Variants in ATG5 observed in about 807,000 individuals in gnomAD.
ATG5 encodes the protein autophagy related 5, also known as autophagy protein 5.
ATG5 carries 14 observed loss-of-function variants against 36.5 expected under a neutral mutation model. That is an observed-to-expected ratio of 0.38 (90% CI 0.25 to 0.60). The LOEUF (loss-of-function observed/expected upper bound fraction) is 0.60. ATG5 is among the 20% of genes least tolerant of loss of function. ATG5 has a pLI of 0.60. For synonymous variants in ATG5, 95 were observed against 101.5 expected, an observed-to-expected ratio of 0.94 and a Z score of 0.38; for missense variants, 195 against 326.7, an observed-to-expected ratio of 0.60 and a Z score of 3.11.
chr6:106,324,242 T>C (rs1278953053), intron 1 of ATG5, among the ~76,000 whole-genome samples: 1 of 152,264 alleles, frequency 6.6e-6, no homozygotes, highest in Non-Finnish European at 1.5e-5. Flanking sequence ...TTTGTCATTA[T>C]TCCCTAAACA....
intron 5 of ATG5, among the ~76,000 whole-genome samples, chr6:106,269,549 C>T (rs1270839915): frequency 4.6e-5 from 7 of 152,214 alleles, no homozygotes; most frequent in Admixed American, 4.6e-4. Context: ...AGCCCTGCCC[C>T]GCGGGAAGGC....
intron 6 of ATG5, among the ~76,000 whole-genome samples, chr6:106,203,703 C>T (rs1257671287): frequency 6.6e-6 from 1 of 152,178 alleles, no homozygotes; most frequent in African/African-American, 2.4e-5. Flanking sequence ...ACCTAAGCCT[C>T]CAGAGTAGCT....
At chr6:106,286,519 T>A (rs1780084330) in intron 4 of ATG5, among the ~76,000 whole-genome samples, 2 of 152,210 alleles carry the variant, frequency 1.3e-5, no homozygotes, top group Admixed American at 1.3e-4. Context: ...TAAGTTTGCA[T>A]GACCCTCCAT....
chr6:106,193,358 TTATTA>T lies in ATG5; in HGVS notation c.692-6687_692-6683del, dbSNP rs780762212. Among the ~76,000 whole-genome samples the T allele has an allele frequency of 4.6e-5, 7 of 152,298 alleles. No individual in the cohort carries two copies. In the East Asian group the frequency reaches 7.7e-4, roughly 17 times the overall value. ...CTTTCCATGTATACATTTTATATCT[TTATTA>T]TATTTTCAGAGCTTTGACTCTTAAC... On this transcript the variant is annotated intron_variant, in intron 7 of 7. Coordinates refer to ENST00000369076, the MANE Select transcript of ATG5 (RefSeq NM_004849.4).
chr6:106,198,823 CA>C (rs1776306732), intron 7 of ATG5, among the ~76,000 whole-genome samples: 1 of 151,338 alleles, frequency 6.6e-6, no homozygotes, highest in Non-Finnish European at 1.5e-5. Context: ...AAAATGAAGG[CA>C]AGTCACAGAC....
intron 3 of ATG5, among the ~76,000 whole-genome samples, chr6:106,303,401 A>T (rs911620392): frequency 6.6e-6 from 1 of 152,134 alleles, no homozygotes; most frequent in African/African-American, 2.4e-5. Flanking sequence ...TATATATATC[A>T]AAGAAATTGA....
intron 6 of ATG5, among the ~76,000 whole-genome samples, chr6:106,206,648 CAA>C (rs57955030): frequency 1.8e-3 from 216 of 118,084 alleles, no homozygotes; most frequent in South Asian, 5.6e-3. Context: ...GAAACTGTCT[CAA>C]AAAAAAAAAA....
chr6:106,297,303 C>A (rs1238495357), intron 3 of ATG5, among the ~76,000 whole-genome samples: 1 of 152,010 alleles, frequency 6.6e-6, no homozygotes, highest in African/African-American at 2.4e-5. Context: ...TGCAAAAGTT[C>A]TATTTATATA....
At chr6:106,198,939 A>G (rs75431209) in intron 7 of ATG5, among the ~76,000 whole-genome samples, 3,747 of 152,330 alleles carry the variant, frequency 0.025, 64 homozygotes, top group African/African-American at 0.049. Flanking sequence ...ATGAAAAAAA[A>G]CAAGGATTTG....
At chr6:106,277,441 C>T (rs1257842568) in intron 5 of ATG5, among the ~76,000 whole-genome samples, 1 of 152,196 alleles carries the variant, frequency 6.6e-6, no homozygotes, top group Non-Finnish European at 1.5e-5. Context: ...ATCTTAATAA[C>T]TAATGGGGAC....
intron 5 of ATG5, among the ~76,000 whole-genome samples, chr6:106,258,756 C>T (rs1411030008): frequency 2.6e-5 from 4 of 152,158 alleles, no homozygotes; most frequent in Admixed American, 2.6e-4. Context: ...TAACTTATGA[C>T]TGAGATCTGG....
At chr6:106,289,776 C>A (rs987248700) in intron 4 of ATG5, among the ~76,000 whole-genome samples, 6 of 151,538 alleles carry the variant, frequency 4.0e-5, no homozygotes, top group Non-Finnish European at 7.4e-5. Context: ...ACAACAACAA[C>A]AAAAAAAACA....
intron 6 of ATG5, among the ~76,000 whole-genome samples, chr6:106,213,065 A>G (rs559679001): frequency 1.3e-5 from 2 of 152,346 alleles, no homozygotes; most frequent in East Asian, 3.9e-4. Context: ...CTACTAACAT[A>G]TAAGTAGCCT....
chr6:106,303,037 C>T (rs1770281678), intron 3 of ATG5, among the ~76,000 whole-genome samples: 1 of 151,444 alleles, frequency 6.6e-6, no homozygotes, highest in South Asian at 2.1e-4. Flanking sequence ...AAAAAAATAA[C>T]CTAAGTCCCT....
intron 6 of ATG5, among the ~76,000 whole-genome samples, chr6:106,225,905 C>T (rs1249733749): frequency 1.3e-5 from 2 of 152,128 alleles, no homozygotes; most frequent in African/African-American, 4.8e-5. Context: ...AAAGAAAAAC[C>T]TGGGAAATAA....
intron 6 of ATG5, among the ~76,000 whole-genome samples, chr6:106,228,862 G>C (rs947708134): frequency 6.6e-6 from 1 of 152,040 alleles, no homozygotes; most frequent in African/African-American, 2.4e-5. Flanking sequence ...AACCCTTCTG[G>C]GTTGGGAACC....
chr6:106,190,750 T>G (rs1562201117), intron 7 of ATG5, among the ~76,000 whole-genome samples: 1 of 151,384 alleles, frequency 6.6e-6, no homozygotes, highest in Non-Finnish European at 1.5e-5. Flanking sequence ...AGAAAAAAAA[T>G]AAGAAGAAAA....
intron 3 of ATG5, among the ~76,000 whole-genome samples, chr6:106,294,887 T>TA (rs1447045541): frequency 3.5e-5 from 5 of 144,854 alleles, no homozygotes; most frequent in Non-Finnish European, 6.1e-5. Context: ...GCCCGGTCGG[T>TA]AAAAATAAAG....
intron 1 of ATG5, among the ~76,000 whole-genome samples, chr6:106,320,445 T>G (rs1373455294): frequency 1.2e-4 from 18 of 152,156 alleles, no homozygotes. Context: ...GTGCAATATA[T>G]ATGCCAACTT....
Sources: gnomAD v4.1 joint callset for allele counts (sites outside exome capture counted in the v4.1 genomes callset) on GRCh38, gnomAD v4.1.1 for gene constraint, MANE v1.5 for transcripts, NCBI Gene and HGNC (gene_info 2026-07-23, HGNC 2026-07-21) for gene names.